PLCXD3: variants seen among roughly 807,000 people sequenced by gnomAD.
PLCXD3 encodes the protein PI-PLC X domain-containing protein 3.
In PLCXD3, 19 loss-of-function variants were observed where a neutral mutation model predicts 25.5. That is an observed-to-expected ratio of 0.75 (90% CI 0.52 to 1.09). PLCXD3 has a LOEUF of 1.09. Ranked by LOEUF, PLCXD3 falls within the 50% of genes least tolerant of loss-of-function variation. The pLI is 0.00. For missense variants in PLCXD3, 411 were observed against 388.1 expected (o/e 1.06, Z -0.50); for synonymous variants, 174 against 137.6 (o/e 1.26, Z -1.85).
At chr5:41,446,983 G>T (rs318072) in intron 1 of PLCXD3, among the ~76,000 whole-genome samples, 2,166 of 152,332 alleles carry the variant, frequency 0.014, 57 homozygotes, top group African/African-American at 0.048. Context: ...TTCAATAGCT[G>T]CAAAGGCTAT....
chr5:41,326,639 C>T (rs1188831211), intron 2 of PLCXD3, among the ~76,000 whole-genome samples: 1 of 152,074 alleles, frequency 6.6e-6, no homozygotes, highest in Non-Finnish European at 1.5e-5. Context: ...CAATTGCTCC[C>T]TACCATTTAA....
intron 1 of PLCXD3, among the ~76,000 whole-genome samples, chr5:41,496,615 C>G (rs1748843696): frequency 8.5e-6 from 1 of 117,776 alleles, no homozygotes; most frequent in Admixed American, 8.7e-5. Context: ...AAAGGTAAAG[C>G]TTTTCCCAGA....
chr5:41,401,647 T>C (rs369834275), intron 1 of PLCXD3, among the ~76,000 whole-genome samples: 62 of 152,162 alleles, frequency 4.1e-4, no homozygotes, highest in African/African-American at 1.4e-3. Flanking sequence ...CATTCTATTA[T>C]AACGAGACTC....
At chr5:41,393,658 G>T (rs1745905195) in intron 1 of PLCXD3, among the ~76,000 whole-genome samples, 1 of 152,142 alleles carries the variant, frequency 6.6e-6, no homozygotes, top group South Asian at 2.1e-4. Flanking sequence ...GGTGGCTCAT[G>T]CCTGTAATCC....
chr5:41,415,897 T>G (rs1017375985), intron 1 of PLCXD3, among the ~76,000 whole-genome samples: 1 of 152,122 alleles, frequency 6.6e-6, no homozygotes, highest in Non-Finnish European at 1.5e-5. Flanking sequence ...GTGGATAGGA[T>G]GTAGGGAAAC....
chr5:41,431,134 T>C (rs912645811), intron 1 of PLCXD3, among the ~76,000 whole-genome samples: 5 of 152,216 alleles, frequency 3.3e-5, no homozygotes, highest in African/African-American at 1.2e-4. Context: ...TGGGCTGACC[T>C]CATCAGTCTC....
In PLCXD3 at chr5:41,391,858, C is replaced by T. The variant is rs772192781; in HGVS notation, c.104-9324G>A. Among the ~76,000 whole-genome samples the T allele has an allele frequency of 1.6e-4, 25 of 152,088 alleles. 1 individual carries two copies. Among genetic ancestry groups the T allele is most frequent in the Non-Finnish European group, 3.4e-4 (23 of 68,006 alleles). The stretch of plus-strand genomic sequence containing the variant: ...TGAGTCCCAGGCCAGGCAGCATCTA[C>T]CACAAGCTGACTTAAGGGAACATAG... On this transcript the variant is annotated intron_variant, in intron 1 of 2. Transcript: ENST00000377801.
chr5:41,315,836 G>A (rs1743272945), intron 2 of PLCXD3, among the ~76,000 whole-genome samples: 1 of 152,184 alleles, frequency 6.6e-6, no homozygotes, highest in Admixed American at 6.5e-5. Context: ...CGGACGCCCA[G>A]TCACACAGGG....
At chr5:41,469,954 G>C (rs983205709) in intron 1 of PLCXD3, among the ~76,000 whole-genome samples, 1 of 152,182 alleles carries the variant, frequency 6.6e-6, no homozygotes, top group South Asian at 2.1e-4. Context: ...GAGTGAGATG[G>C]AGAATGAGAA....
chr5:41,473,490 C>A (rs191162), intron 1 of PLCXD3, among the ~76,000 whole-genome samples: 2 of 151,400 alleles, frequency 1.3e-5, no homozygotes, highest in African/African-American at 4.9e-5. Flanking sequence ...TTTTTTGAGA[C>A]GAGTCTTTCT....
intron 2 of PLCXD3, among the ~76,000 whole-genome samples, chr5:41,319,945 A>G (rs1046861255): frequency 6.6e-6 from 1 of 152,184 alleles, no homozygotes; most frequent in African/African-American, 2.4e-5. Flanking sequence ...CACTGCAGAA[A>G]TTCAAAAGTT....
chr5:41,460,842 T>C lies in PLCXD3; in HGVS notation c.103+49582A>G, dbSNP rs149176711. On this transcript the variant is annotated intron_variant, in intron 1 of 2. Coordinates refer to ENST00000377801, the MANE Select transcript of PLCXD3 (RefSeq NM_001005473.3). ...CAAAATTATTGGAACTATTCTTTCA[T>C]TGTTTGGGAATTGTGAATTTTTTTT... is the stretch of plus-strand genomic sequence containing the variant. 9.4e-4 allele frequency among the ~76,000 whole-genome samples: 143 copies of C among 152,132 alleles called. 1 individual carries two copies. The East Asian group carries it at 0.016, about 17-fold the overall frequency.
At chr5:41,345,679 T>G (rs1218648472) in intron 2 of PLCXD3, among the ~76,000 whole-genome samples, 1 of 114,508 alleles carries the variant, frequency 8.7e-6, no homozygotes, top group Non-Finnish European at 1.7e-5. Flanking sequence ...TACATACATA[T>G]GTGTACACAC....
rs1744551630 is a variant in PLCXD3 at position 41,354,128 on chromosome 5, A to G, written c.812+27698T>C. Among the ~76,000 whole-genome samples the G allele has an allele frequency of 2.0e-5, 3 of 152,062 alleles. No individual in the cohort carries two copies. The South Asian group carries it at 6.2e-4, about 32-fold the overall frequency. ...GTGATGATTATCAGAGTTCCAGCCA[A>G]TCCTTTATGGATTCTAATTATCTCT... On this transcript the variant is annotated intron_variant, in intron 2 of 2. Coordinates refer to ENST00000377801, the MANE Select transcript of PLCXD3 (RefSeq NM_001005473.3).
At chr5:41,376,467 A>G (rs980423668) in intron 2 of PLCXD3, among the ~76,000 whole-genome samples, 3 of 151,984 alleles carry the variant, frequency 2.0e-5, no homozygotes, top group African/African-American at 7.2e-5. Flanking sequence ...TAATTCAGCT[A>G]ACCATAATTT....
At position 41,366,767 on chromosome 5, in the gene PLCXD3, A is replaced by T. The variant is rs192976865; in HGVS notation, c.812+15059T>A. On this transcript the variant is annotated intron_variant, in intron 2 of 2. Transcript: ENST00000377801. ...CAGATCAATCCATCACTAGGTATTA[A>T]GCCCAGCAAGCATTAGCTATTTATC... is the stretch of plus-strand genomic sequence containing the variant. Among the ~76,000 whole-genome samples the T allele has an allele frequency of 4.4e-3, 674 of 152,274 alleles. 6 individuals carry two copies. Among genetic ancestry groups the T allele is most frequent in the Admixed American group, 7.9e-3 (121 of 15,292 alleles).
At chr5:41,377,548 G>A (rs546493062) in intron 2 of PLCXD3, among the ~76,000 whole-genome samples, 8 of 152,004 alleles carry the variant, frequency 5.3e-5, no homozygotes, top group Non-Finnish European at 1.2e-4. Context: ...TGTGTGAATT[G>A]CATGGGGGTG....
chr5:41,351,997 T>C (rs1016569852), intron 2 of PLCXD3, among the ~76,000 whole-genome samples: 2 of 152,228 alleles, frequency 1.3e-5, no homozygotes, highest in Admixed American at 1.3e-4. Context: ...ATGGTGACTA[T>C]TGCATTTCAA....
Position 41,311,112 on chromosome 5 carries a change from T to A in PLCXD3, c.*2505A>T, listed in dbSNP as rs1309158586. The A allele has an allele frequency of 6.6e-6, 1 of 152,168 alleles. No homozygotes were observed. Among genetic ancestry groups the A allele is most frequent in the Non-Finnish European group, 1.5e-5 (1 of 67,996 alleles). 9.4% of individuals were successfully genotyped at this position (152,168 alleles called of 1,614,324 possible). A position where few individuals can be genotyped will look rare whatever the true frequency, so the allele number is the denominator to read the frequency against. ...TCTGTTTTCCATTATATTTATAAAA[T>A]TAAATTCATGTGTCATTGCAAATAT... On this transcript the variant is annotated 3_prime_UTR_variant, in exon 3 of 3. Transcript: ENST00000377801.
Sources: gnomAD v4.1 joint callset for allele counts (sites outside exome capture counted in the v4.1 genomes callset) on GRCh38, gnomAD v4.1.1 for gene constraint, MANE v1.5 for transcripts, NCBI Gene and HGNC (gene_info 2026-07-23, HGNC 2026-07-21) for gene names.